Variants in CUZD1 observed in about 807,000 individuals in gnomAD.
The protein encoded by CUZD1 is CUB and zona pellucida like domains 1.
A neutral mutation model predicts 53.1 loss-of-function variants in CUZD1; 42 were observed. The ratio of observed to expected loss-of-function variants is 0.79; its 90% CI spans 0.62 to 1.02. The LOEUF is 1.02. Ranked by LOEUF, CUZD1 falls within the 50% of genes least tolerant of loss-of-function variation. CUZD1 has a pLI of 0.00. For missense variants in CUZD1, 670 were observed against 715.7 expected (o/e 0.94, Z 0.73); for synonymous variants, 238 against 257.2 (o/e 0.93, Z 0.71).
chr10:122,836,794 G>C, intron 5 of CUZD1, 37 bp downstream of exon 5: 1 of 1,515,562 alleles, frequency 6.6e-7, no homozygotes, highest in Non-Finnish European at 9.2e-7. Context: ...AATCTTCGAA[G>C]AGCTCAAAAT....
At chr10:122,834,588 G>T in intron 7 of CUZD1, 118 bp downstream of exon 7, 1 of 658,594 alleles carries the variant, frequency 1.5e-6, no homozygotes, top group Non-Finnish European at 2.3e-6. Flanking sequence ...TAAATGTAAT[G>T]AAATTTCATG....
intron 3 of CUZD1, chr10:122,838,080 C>G (rs1192401074): frequency 1.3e-5 from 2 of 153,320 alleles, no homozygotes; most frequent in African/African-American, 4.8e-5. Flanking sequence ...AGCCCTTGGT[C>G]TCTCCTTTCC....
rs1273323136 is a variant in CUZD1 at position 122,841,183 on chromosome 10, A to G, written c.228T>C (p.Tyr76=). The change falls in exon 2 of 9, where the codon TAT becomes TAC. Residue 76 remains tyrosine (Y), a synonymous_variant. Coordinates refer to ENST00000392790, the MANE Select transcript of CUZD1 (RefSeq NM_022034.6). ...ENKSIRIIFS[Y]VQLDPDGSCE... is the part of the protein sequence containing the mutation. Reference sequence around the variant, plus strand: ...AAACTAAAGCTTCTACTTACTGGACATAGGAAAAGATAATTCTGATGCTTT... The same window carrying G: ...AAACTAAAGCTTCTACTTACTGGACGTAGGAAAAGATAATTCTGATGCTTT... 6.2e-7 allele frequency: 1 copy of G among 1,612,718 alleles called. No individual in the cohort carries two copies. The highest frequency in any genetic ancestry group is 8.5e-7 in the Non-Finnish European group (1 of 1,179,340).
chr10:122,841,030 A>C, intron 2 of CUZD1, 148 bp downstream of exon 2: 1 of 750,590 alleles, frequency 1.3e-6, no homozygotes, highest in Non-Finnish European at 2.1e-6. Context: ...ATCAGCCATC[A>C]TCCTCATCAC....
intron 4 of CUZD1, 111 bp from the exon 5 acceptor site, chr10:122,837,159 A>G (rs1479887392): frequency 1.3e-5 from 12 of 935,376 alleles, no homozygotes; most frequent in Middle Eastern, 3.2e-4. Flanking sequence ...TTTTCCTTCA[A>G]TGGTATCTCA....
intron 3 of CUZD1, 73 bp downstream of exon 3, chr10:122,838,944 G>A: frequency 8.6e-7 from 1 of 1,160,798 alleles, no homozygotes; most frequent in Non-Finnish European, 1.3e-6. Context: ...AAGATTATAA[G>A]AACCCGGACA....
chr10:122,835,097 C>T lies in CUZD1; in HGVS notation c.991G>A (p.Val331Ile). 3.2e-6 allele frequency: 5 copies of T among 1,547,842 alleles called. No individual in the cohort carries two copies. The highest frequency in any genetic ancestry group is 4.4e-6 in the Non-Finnish European group (5 of 1,147,544). ...GTGTAAGTAATTGACTGATCTTCTACCTGCAGAACGAGATAGAATTCAATT... is the reference window on the plus strand; with the variant it reads ...GTGTAAGTAATTGACTGATCTTCTATCTGCAGAACGAGATAGAATTCAATT... ...PLNGCGTIRK[V>I]EDQSITYTNI... Residue 331 changes from valine (V) to isoleucine (I), a missense_variant and splice_region_variant, in exon 7 of 9, where the codon GTA becomes ATA. Physicochemically the swap from Val to Ile is conservative, Grantham distance 29. Transcript: ENST00000392790.
chr10:122,841,167 C>A lies in CUZD1; in HGVS notation c.233+11G>T. ...GATATCCCTTATTAGGAAACTAAAG[C>A]TTCTACTTACTGGACATAGGAAAAG... On this transcript the variant is annotated intron_variant, in intron 2 of 8. Coordinates refer to ENST00000392790, the MANE Select transcript of CUZD1 (RefSeq NM_022034.6). The A allele has an allele frequency of 6.2e-7, 1 of 1,608,128 alleles. No homozygotes were observed. The highest frequency in any genetic ancestry group is 8.5e-7 in the Non-Finnish European group (1 of 1,177,280).
At position 122,834,989 on chromosome 10, in the gene CUZD1, T is replaced by C. The variant is rs769531909; in HGVS notation, c.1099A>G (p.Met367Val). 3 of 1,613,690 alleles carry C rather than the reference T, an allele frequency of 1.9e-6. No homozygotes were observed. Among genetic ancestry groups the C allele is most frequent in the Non-Finnish European group, 2.5e-6 (3 of 1,179,806 alleles). ...KQLQIIVKCE[M>V]GHNSTVEIIY... ...ATCTCCACTGTAGAATTATGTCCCATTTCACACTTCACAATAATCTGGAGT... is the reference window on the plus strand; with the variant it reads ...ATCTCCACTGTAGAATTATGTCCCACTTCACACTTCACAATAATCTGGAGT... Residue 367 changes from methionine to valine, a missense_variant, in exon 7 of 9, where the codon ATG becomes GTG. Met to Val is a conservative substitution (Grantham distance 21). Transcript: ENST00000392790.
At chr10:122,845,485 C>CAT (rs1350096355) in intron 1 of CUZD1, among the ~76,000 whole-genome samples, 1 of 152,142 alleles carries the variant, frequency 6.6e-6, no homozygotes, top group East Asian at 1.9e-4. Flanking sequence ...CATATTTATA[C>CAT]ATATATCTTT....
Position 122,834,917 on chromosome 10 carries a change from C to T in CUZD1, c.1171G>A (p.Gly391Ser). Residue 391 changes from glycine to serine, a missense_variant, in exon 7 of 9, where the codon GGC becomes AGC. Coordinates refer to ENST00000392790, the MANE Select transcript of CUZD1 (RefSeq NM_022034.6). ...AGAGCCATGCTGGTGTTATATTTGC[C>T]CAGTGCATTTTGACTTTGTATTACA... ...DDVIQSQNAL[G>S]KYNTSMALFE... 1.9e-6 allele frequency: 3 copies of T among 1,613,314 alleles called. No individual in the cohort carries two copies. The highest frequency in any genetic ancestry group is 2.5e-6 in the Non-Finnish European group (3 of 1,179,500).
chr10:122,836,367 A>T lies in CUZD1; in HGVS notation c.818-17T>A, dbSNP rs770179009. 6.5e-7 allele frequency: 1 copy of T among 1,541,694 alleles called. No individual in the cohort carries two copies. The highest frequency in any genetic ancestry group is 2.3e-5 in the East Asian group (1 of 43,260). ...TTAAAGATGCTGTCAGGAAAAAAAAAAAAAAAAGAATGGTCATGTTTATGC... is the reference window on the plus strand; with the variant it reads ...TTAAAGATGCTGTCAGGAAAAAAAATAAAAAAAGAATGGTCATGTTTATGC... On this transcript the variant is annotated splice_polypyrimidine_tract_variant and intron_variant, in intron 5 of 8. Transcript: ENST00000392790.
chr10:122,836,808 T>A, intron 5 of CUZD1, 23 bp downstream of exon 5: 1 of 1,574,436 alleles, frequency 6.4e-7, no homozygotes, highest in South Asian at 1.1e-5. Flanking sequence ...TCAAAATAGC[T>A]AAGAATATAA....
At chr10:122,843,169 G>A (rs140753988) in intron 1 of CUZD1, among the ~76,000 whole-genome samples, 46 of 152,156 alleles carry the variant, frequency 3.0e-4, no homozygotes, top group African/African-American at 8.9e-4. Flanking sequence ...TATATTCATC[G>A]CAACATTAGT....
rs753099760 is a variant in CUZD1 at position 122,837,505 on chromosome 10, G to A, written c.498C>T (p.Thr166=). The A allele has an allele frequency of 6.2e-7, 1 of 1,608,560 alleles. No individual in the cohort carries two copies. The change falls in exon 4 of 9, where the codon ACC becomes ACT. Residue 166 remains threonine, a synonymous_variant. Transcript: ENST00000392790. ...GYLDTLEGSF[T]SPNYPKPHPE... is the part of the protein sequence containing the mutation. ...GATGCGGCTTTGGGTAATTGGGGCT[G>A]GTGAAGGATCCTTCCAAGGTATCCA...
chr10:122,837,996 C>T, intron 3 of CUZD1: 2 of 155,122 alleles, frequency 1.3e-5, no homozygotes, highest in Admixed American at 1.3e-4. Context: ...GAGTCCTCTT[C>T]CCTGACTCCC....
At chr10:122,835,178 G>T (rs1847229602) in intron 6 of CUZD1, 81 bp from the exon 7 acceptor site, 1 of 1,109,738 alleles carries the variant, frequency 9.0e-7, no homozygotes, top group Non-Finnish European at 1.3e-6. Context: ...ACATTTGCAG[G>T]TACAGACATA....
chr10:122,835,952 TGG>T (rs1847243844), intron 6 of CUZD1, among the ~76,000 whole-genome samples: 1 of 152,184 alleles, frequency 6.6e-6, no homozygotes, highest in Admixed American at 6.5e-5. Flanking sequence ...CTTTACCTTC[TGG>T]GAAAGATAAC....
At chr10:122,845,586 T>C (rs552316430) in intron 1 of CUZD1, among the ~76,000 whole-genome samples, 176 bp downstream of exon 1, 1 of 152,332 alleles carries the variant, frequency 6.6e-6, no homozygotes, top group African/African-American at 2.4e-5. Flanking sequence ...TTATGGACAT[T>C]GTCAGATGAG....
Sources: allele counts gnomAD v4.1 joint callset (sites outside exome capture counted in the v4.1 genomes callset), GRCh38; gene constraint gnomAD v4.1.1; transcripts MANE v1.5; gene names NCBI Gene and HGNC (gene_info 2026-07-23, HGNC 2026-07-21).